Variants in TMEM132C observed in about 807,000 individuals in gnomAD.
The protein encoded by TMEM132C is transmembrane protein 132C.
Under a neutral mutation model 61.4 loss-of-function variants are expected in TMEM132C, and 29 were observed. The ratio of observed to expected loss-of-function variants is 0.47; its 90% CI spans 0.35 to 0.64. The LOEUF (loss-of-function observed/expected upper bound fraction) is 0.64. TMEM132C is among the 30% of genes least tolerant of loss of function. The probability of loss-of-function intolerance (pLI) is 0.00; values close to 1 mark genes in which losing one functional copy is unlikely to be tolerated. For synonymous variants in TMEM132C, 656 were observed against 633.1 expected, an observed-to-expected ratio of 1.04 and a Z score of -0.54; for missense variants, 1,408 against 1,476.9, an observed-to-expected ratio of 0.95 and a Z score of 0.76.
At chr12:128,444,692 T>C (rs747407924) in intron 2 of TMEM132C, among the ~76,000 whole-genome samples, 15 of 152,196 alleles carry the variant, frequency 9.9e-5, no homozygotes, top group Non-Finnish European at 2.1e-4. Flanking sequence ...TGGCTAAAGA[T>C]AGTGGCAATA....
In TMEM132C at chr12:128,345,992, T is replaced by A. The variant is rs191289776; in HGVS notation, c.86-68740T>A. Among the ~76,000 whole-genome samples the A allele has an allele frequency of 5.3e-5, 8 of 152,328 alleles. No individual in the cohort carries two copies. The East Asian group carries it at 1.3e-3, about 26-fold the overall frequency. Reference sequence around the variant, plus strand: ...TGTGTTCTGAATGGTATTGCCTAGGTTGTCTTCTATGGTTTTTAAAGTTTT... The same window carrying A: ...TGTGTTCTGAATGGTATTGCCTAGGATGTCTTCTATGGTTTTTAAAGTTTT... On this transcript the variant is annotated intron_variant, in intron 1 of 8. Coordinates refer to ENST00000435159, the MANE Select transcript of TMEM132C (RefSeq NM_001136103.3).
chr12:128,556,171 G>C (rs111891772), intron 3 of TMEM132C, among the ~76,000 whole-genome samples: 2 of 152,212 alleles, frequency 1.3e-5, no homozygotes, highest in Non-Finnish European at 2.9e-5. Context: ...GGCCAGATCT[G>C]GCATCCCAAG....
Position 128,285,376 on chromosome 12 carries a change from G to T in TMEM132C, c.85+17889G>T, listed in dbSNP as rs367564580. Among the ~76,000 whole-genome samples, 38 of 151,880 alleles carry T rather than the reference G, an allele frequency of 2.5e-4. No homozygotes were observed. The East Asian group carries it at 6.2e-3, about 25-fold the overall frequency. The stretch of plus-strand genomic sequence containing the variant: ...AATTATTGTGTTTTAATTACAAATA[G>T]GAATGAAAACAAAAAAAAAGACATT... On this transcript the variant is annotated intron_variant, in intron 1 of 8. Transcript: ENST00000435159.
intron 3 of TMEM132C, among the ~76,000 whole-genome samples, chr12:128,581,678 C>G (rs1291624452): frequency 6.6e-6 from 1 of 152,356 alleles, no homozygotes; most frequent in East Asian, 1.9e-4. Flanking sequence ...ATTTGCCTGA[C>G]TTCTCATCTT....
chr12:128,339,348 C>G (rs1317713400), intron 1 of TMEM132C, among the ~76,000 whole-genome samples: 1 of 151,998 alleles, frequency 6.6e-6, no homozygotes, highest in East Asian at 1.9e-4. Context: ...CTGCTCTAAT[C>G]TTGTCTGTGC....
intron 2 of TMEM132C, among the ~76,000 whole-genome samples, chr12:128,499,942 A>G (rs754040916): frequency 1.2e-4 from 19 of 152,104 alleles, no homozygotes; most frequent in Non-Finnish European, 1.5e-4. Context: ...TTCTATTTTT[A>G]GTTTTTGAGG....
At chr12:128,633,760 C>T (rs1392546246) in intron 4 of TMEM132C, among the ~76,000 whole-genome samples, 1 of 152,106 alleles carries the variant, frequency 6.6e-6, no homozygotes, top group Non-Finnish European at 1.5e-5. Flanking sequence ...CAGTTCTTGG[C>T]AAATATGTGA....
chr12:128,538,622 A>G (rs1236493685), intron 2 of TMEM132C, among the ~76,000 whole-genome samples: 1 of 152,220 alleles, frequency 6.6e-6, no homozygotes, highest in Non-Finnish European at 1.5e-5. Context: ...ATAATACTGC[A>G]GTGCCCTGCT....
At chr12:128,533,943 G>GCA (rs1354225104) in intron 2 of TMEM132C, among the ~76,000 whole-genome samples, 1 of 105,336 alleles carries the variant, frequency 9.5e-6, no homozygotes, top group Non-Finnish European at 2.1e-5. Context: ...TCACACATGC[G>GCA]CACATACACA....
At chr12:128,296,965 A>C (rs1308083855) in intron 1 of TMEM132C, among the ~76,000 whole-genome samples, 1 of 152,210 alleles carries the variant, frequency 6.6e-6, no homozygotes, top group Non-Finnish European at 1.5e-5. Context: ...ATATTTCACC[A>C]AAACACACCC....
intron 2 of TMEM132C, among the ~76,000 whole-genome samples, chr12:128,425,597 A>G (rs1385890683): frequency 3.3e-5 from 5 of 152,214 alleles, no homozygotes; most frequent in Admixed American, 3.3e-4. Context: ...TTGAAACAAC[A>G]GAACTTTGTT....
rs182516632 is a variant in TMEM132C at position 128,315,847 on chromosome 12, C to T, written c.85+48360C>T. ...GTGAAGAAAACAGAGGCTGGAGTGA[C>T]GCATCCACAAGCCCACGGGTGACAA... On this transcript the variant is annotated intron_variant, in intron 1 of 8. Coordinates refer to ENST00000435159, the MANE Select transcript of TMEM132C (RefSeq NM_001136103.3). Among the ~76,000 whole-genome samples, 818 of 150,936 alleles carry T rather than the reference C, an allele frequency of 5.4e-3. 4 individuals carry two copies. The highest frequency in any genetic ancestry group is 0.019 in the African/African-American group (766 of 40,508).
At chr12:128,295,954 A>C (rs936363686) in intron 1 of TMEM132C, among the ~76,000 whole-genome samples, 1 of 152,166 alleles carries the variant, frequency 6.6e-6, no homozygotes, top group Non-Finnish European at 1.5e-5. Context: ...GATATTCAAC[A>C]CATAATAAGC....
chr12:128,533,948 T>TACACAC (rs55794743), intron 2 of TMEM132C, among the ~76,000 whole-genome samples: 9,979 of 145,696 alleles, frequency 0.068, 412 homozygotes, highest in Non-Finnish European at 0.1. Flanking sequence ...CATGCGCACA[T>TACACAC]ACACACACAC....
intron 3 of TMEM132C, among the ~76,000 whole-genome samples, chr12:128,589,188 C>T (rs1468050514): frequency 2.6e-5 from 4 of 152,286 alleles, no homozygotes; most frequent in East Asian, 3.9e-4. Flanking sequence ...ACAGCTCTCC[C>T]GATGCAGGAC....
chr12:128,678,086 T>C (rs945109376), intron 5 of TMEM132C, among the ~76,000 whole-genome samples: 2 of 152,212 alleles, frequency 1.3e-5, no homozygotes, highest in Non-Finnish European at 2.9e-5. Flanking sequence ...TTTTAGGGTA[T>C]CTACAGGATG....
At chr12:128,549,539 T>TC (rs562845699) in intron 3 of TMEM132C, among the ~76,000 whole-genome samples, 103 of 152,252 alleles carry the variant, frequency 6.8e-4, no homozygotes, top group African/African-American at 2.3e-3. Flanking sequence ...AAATTATGTG[T>TC]CAAGTGCCTG....
intron 2 of TMEM132C, among the ~76,000 whole-genome samples, chr12:128,454,521 G>T (rs911130474): frequency 1.3e-5 from 2 of 152,220 alleles, no homozygotes; most frequent in Non-Finnish European, 2.9e-5. Flanking sequence ...ATTTGGTTTT[G>T]CCTCTAACTT....
At chr12:128,371,752 ATTT>A (rs1874034214) in intron 1 of TMEM132C, among the ~76,000 whole-genome samples, 1 of 151,922 alleles carries the variant, frequency 6.6e-6, no homozygotes, top group African/African-American at 2.4e-5. Flanking sequence ...TATTTTTAAA[ATTT>A]TTTTATAGAG....
Sources: allele counts gnomAD v4.1 joint callset (sites outside exome capture counted in the v4.1 genomes callset), GRCh38; gene constraint gnomAD v4.1.1; transcripts MANE v1.5; gene names NCBI Gene and HGNC (gene_info 2026-07-23, HGNC 2026-07-21).